SAMSN1: variants seen among roughly 807,000 people sequenced by gnomAD.
SAMSN1 encodes the protein SAM domain-containing protein SAMSN-1.
In SAMSN1, 31 loss-of-function variants were observed where a neutral mutation model predicts 42.0. The observed-to-expected ratio is 0.74, with a 90% CI of 0.55 to 1.00. The LOEUF (loss-of-function observed/expected upper bound fraction) is 1.00, where lower values mean the gene tolerates loss of function less well. Among genes scored for constraint, SAMSN1 ranks in the 50% least tolerant of loss-of-function variants. The pLI, the probability that SAMSN1 is intolerant of heterozygous loss-of-function variation, is 0.00. For missense variants in SAMSN1, 464 were observed against 439.4 expected (o/e 1.06, Z -0.50); for synonymous variants, 178 against 151.9 (o/e 1.17, Z -1.26).
intron 3 of SAMSN1, among the ~76,000 whole-genome samples, chr21:14,514,847 T>C (rs1381617408): frequency 2.0e-5 from 3 of 152,124 alleles, no homozygotes; most frequent in Non-Finnish European, 1.5e-5. Context: ...AAATAAGCAA[T>C]TGATTGTATT....
At chr21:14,520,574 A>T (rs1262609692) in intron 2 of SAMSN1, among the ~76,000 whole-genome samples, 1 of 152,156 alleles carries the variant, frequency 6.6e-6, no homozygotes, top group Non-Finnish European at 1.5e-5. Flanking sequence ...CCTGCACGGT[A>T]CTGGGTACTG....
At chr21:14,551,597 G>A (rs1366809031) in intron 2 of SAMSN1, among the ~76,000 whole-genome samples, 2 of 151,878 alleles carry the variant, frequency 1.3e-5, no homozygotes, top group Non-Finnish European at 2.9e-5. Flanking sequence ...ATTGTGGTTG[G>A]CATAACAAAT....
intron 1 of SAMSN1, among the ~76,000 whole-genome samples, chr21:14,536,846 ACAGCAT>A (rs1979653962): frequency 6.6e-6 from 1 of 152,166 alleles, no homozygotes; most frequent in Admixed American, 6.5e-5. Context: ...CCATCTTTAG[ACAGCAT>A]GTAGTAAGTT....
At chr21:14,639,044 T>C (rs1983533369) in intron 2 of SAMSN1, among the ~76,000 whole-genome samples, 1 of 152,214 alleles carries the variant, frequency 6.6e-6, no homozygotes, top group African/African-American at 2.4e-5. Flanking sequence ...TTGACCCACA[T>C]TTAAGCACAT....
intron 2 of SAMSN1, among the ~76,000 whole-genome samples, chr21:14,626,720 G>A (rs1425338947): frequency 2.6e-5 from 4 of 152,198 alleles, no homozygotes; most frequent in Admixed American, 6.5e-5. Context: ...ACAGTGTGGC[G>A]ATTCCTCAGG....
chr21:14,573,979 C>T (rs1981384234), intron 2 of SAMSN1, among the ~76,000 whole-genome samples: 2 of 150,518 alleles, frequency 1.3e-5, no homozygotes, highest in South Asian at 4.1e-4. Flanking sequence ...TATTTCTTTG[C>T]AATAAAAGAA....
At chr21:14,507,410 A>G (rs1344801036) in intron 5 of SAMSN1, among the ~76,000 whole-genome samples, 1 of 152,238 alleles carries the variant, frequency 6.6e-6, no homozygotes, top group Non-Finnish European at 1.5e-5. Flanking sequence ...GATCAAGCTA[A>G]GAATCAAATC....
chr21:14,616,802 T>C (rs932177147), intron 2 of SAMSN1, among the ~76,000 whole-genome samples: 4 of 152,142 alleles, frequency 2.6e-5, no homozygotes, highest in Non-Finnish European at 5.9e-5. Context: ...ATTCCACTTT[T>C]GAGGGGGAAA....
chr21:14,599,338 T>C (rs1982365030), intron 6 of SAMSN1, among the ~76,000 whole-genome samples: 1 of 152,188 alleles, frequency 6.6e-6, no homozygotes, highest in Non-Finnish European at 1.5e-5. Context: ...TTTATAAGCA[T>C]CTGGCATTGC....
At chr21:14,548,077 G>T (rs928422858), upstream of SAMSN1, among the ~76,000 whole-genome samples, 2 of 152,064 alleles carry the variant, frequency 1.3e-5, no homozygotes, top group African/African-American at 2.4e-5. Context: ...CAGATCTTTT[G>T]CTTCATCTCT....
chr21:14,530,189 T>C (rs187235981), intron 1 of SAMSN1, among the ~76,000 whole-genome samples: 17 of 151,628 alleles, frequency 1.1e-4, no homozygotes, highest in Admixed American at 3.3e-4. Flanking sequence ...TGGTGGCGGG[T>C]GCCTGTAGTC....
At chr21:14,504,451 C>T (rs537270890) in intron 5 of SAMSN1, among the ~76,000 whole-genome samples, 63 of 152,202 alleles carry the variant, frequency 4.1e-4, no homozygotes, top group South Asian at 8.3e-4. Flanking sequence ...TATAGAAATG[C>T]AAAATGCTCT....
chr21:14,544,937 G>A (rs1980290730), intron 1 of SAMSN1, among the ~76,000 whole-genome samples: 1 of 151,976 alleles, frequency 6.6e-6, no homozygotes, highest in Non-Finnish European at 1.5e-5. Context: ...ACTTAATCAA[G>A]TAAATATCAT....
chr21:14,657,396 C>T (rs2123404480), intron 1 of SAMSN1, among the ~76,000 whole-genome samples: 1 of 151,788 alleles, frequency 6.6e-6, no homozygotes, highest in African/African-American at 2.4e-5. Context: ...TCGAGGCAAT[C>T]CTTTTTAAGT....
chr21:14,603,182 T>C (rs1240489029), intron 5 of SAMSN1, among the ~76,000 whole-genome samples: 3 of 152,150 alleles, frequency 2.0e-5, no homozygotes, highest in African/African-American at 7.2e-5. Flanking sequence ...AAAAAAAATA[T>C]TGCCTCCCCT....
intron 1 of SAMSN1, among the ~76,000 whole-genome samples, chr21:14,644,538 G>A (rs1983675864): frequency 6.6e-6 from 1 of 152,130 alleles, no homozygotes; most frequent in African/African-American, 2.4e-5. Context: ...ACTACATCAA[G>A]GGCCTTGGGA....
intron 6 of SAMSN1, among the ~76,000 whole-genome samples, chr21:14,499,875 G>C (rs1033590218): frequency 1.6e-4 from 24 of 152,128 alleles, no homozygotes; most frequent in Non-Finnish European, 3.2e-4. Context: ...CTATCAAAGT[G>C]CTGCTGAGTT....
At chr21:14,508,162 C>T (rs965851931) in intron 5 of SAMSN1, among the ~76,000 whole-genome samples, 47 of 152,180 alleles carry the variant, frequency 3.1e-4, no homozygotes, top group African/African-American at 1.1e-3. Flanking sequence ...GATTTCATGA[C>T]CAAGAACACA....
At chr21:14,644,772 G>T (rs1568842074) in intron 1 of SAMSN1, among the ~76,000 whole-genome samples, 1 of 152,038 alleles carries the variant, frequency 6.6e-6, no homozygotes, top group Non-Finnish European at 1.5e-5. Context: ...GACATGCCCT[G>T]GGCCAGAGGG....
Sources: allele counts gnomAD v4.1 joint callset (sites outside exome capture counted in the v4.1 genomes callset), GRCh38; gene constraint gnomAD v4.1.1; transcripts MANE v1.5; gene names NCBI Gene and HGNC (gene_info 2026-07-23, HGNC 2026-07-21).